The following NCOA2 variants were observed in gnomAD, a reference collection of about 807,000 sequenced individuals.
NCOA2 encodes the protein nuclear receptor coactivator 2.
In NCOA2, 21 loss-of-function variants were observed where a neutral mutation model predicts 145.1. The observed-to-expected ratio is 0.14, with a 90% CI of 0.10 to 0.21. The LOEUF (loss-of-function observed/expected upper bound fraction) is 0.21, where lower values mean the gene tolerates loss of function less well. Ranked by LOEUF, NCOA2 falls within the 10% of genes least tolerant of loss-of-function variation. The pLI, the probability that NCOA2 is intolerant of heterozygous loss-of-function variation, is 1.00. For missense variants in NCOA2, 1,472 were observed against 1,837.6 expected (o/e 0.80, Z 3.64); for synonymous variants, 619 against 637.5 (o/e 0.97, Z 0.44).
At chr8:70,360,264 T>C (rs975097456) in intron 1 of NCOA2, among the ~76,000 whole-genome samples, 4 of 152,180 alleles carry the variant, frequency 2.6e-5, no homozygotes, top group African/African-American at 9.7e-5. Flanking sequence ...AGCCATATGT[T>C]TAGTTTTCAG....
intron 4 of NCOA2, among the ~76,000 whole-genome samples, chr8:70,182,562 G>A (rs976876208): frequency 1.3e-5 from 2 of 152,154 alleles, no homozygotes; most frequent in African/African-American, 4.8e-5. Flanking sequence ...TTTGAGTATA[G>A]ACAGAATAGA....
At chr8:70,362,310 T>A (rs1157930610) in intron 1 of NCOA2, among the ~76,000 whole-genome samples, 2 of 152,098 alleles carry the variant, frequency 1.3e-5, no homozygotes, top group Non-Finnish European at 2.9e-5. Context: ...TTAAAACCTT[T>A]TTTCATATAG....
At chr8:70,450,595 G>A in the NCOA2 span, among the ~76,000 whole-genome samples, 2 of 9,866 alleles carry the variant, frequency 2.0e-4, no homozygotes, top group Non-Finnish European at 3.9e-4. Context: ...TTTTTTTTTT[G>A]TGAGATGGAG....
At chr8:70,403,590 C>T (rs1359827230) in intron 1 of NCOA2, 110 bp downstream of exon 1, 2 of 319,414 alleles carry the variant, frequency 6.3e-6, no homozygotes, top group Middle Eastern at 8.4e-4. Context: ...ACGGCTCTGT[C>T]GGAGCTCGGC....
chr8:70,156,363 A>C lies in NCOA2; in HGVS notation c.2002T>G (p.Ser668Ala). The C allele has an allele frequency of 6.2e-7, 1 of 1,613,920 alleles. No homozygotes were observed. The highest frequency in any genetic ancestry group is 8.5e-7 in the Non-Finnish European group (1 of 1,179,882). The change falls in exon 11 of 23, where the codon TCC becomes GCC. Residue 668 changes from serine to alanine, a missense_variant. Transcript: ENST00000452400. Reference sequence around the variant, plus strand: ...CCAGAACCAGGCAAGCTACCTGTGGAGTCTTTGTTTGTATCCGACAAAGAG... The same window carrying C: ...CCAGAACCAGGCAAGCTACCTGTGGCGTCTTTGTTTGTATCCGACAAAGAG... ...ASSLSDTNKDSTGSLPGSGST... is the reference protein window; with the variant it reads ...ASSLSDTNKDATGSLPGSGST...
At chr8:70,256,549 T>C (rs1433643269) in intron 2 of NCOA2, among the ~76,000 whole-genome samples, 1 of 152,210 alleles carries the variant, frequency 6.6e-6, no homozygotes, top group Non-Finnish European at 1.5e-5. Flanking sequence ...CTTTATACCA[T>C]TTGACAGACT....
the NCOA2 span, among the ~76,000 whole-genome samples, chr8:70,445,575 C>T: frequency 6.6e-6 from 1 of 152,130 alleles, no homozygotes; most frequent in Non-Finnish European, 1.5e-5. Context: ...CCTTTAAAAG[C>T]CTAAACGTGT....
intron 1 of NCOA2, among the ~76,000 whole-genome samples, chr8:70,362,095 C>T (rs1482860511): frequency 6.6e-6 from 1 of 152,080 alleles, no homozygotes; most frequent in East Asian, 1.9e-4. Flanking sequence ...ATTGGTGTGA[C>T]AGGATTGATT....
chr8:70,300,968 G>A (rs1285455523), intron 1 of NCOA2, among the ~76,000 whole-genome samples: 1 of 152,162 alleles, frequency 6.6e-6, no homozygotes, highest in African/African-American at 2.4e-5. Context: ...AAACCTAACT[G>A]GGGAGTGAAG....
the NCOA2 span, among the ~76,000 whole-genome samples, chr8:70,454,447 C>A: frequency 3.3e-5 from 5 of 152,128 alleles, no homozygotes; most frequent in South Asian, 2.1e-4. Flanking sequence ...GGCTATTTGA[C>A]CTTTTTCGGA....
At chr8:70,325,043 A>G (rs1464741527) in intron 1 of NCOA2, among the ~76,000 whole-genome samples, 1 of 152,226 alleles carries the variant, frequency 6.6e-6, no homozygotes, top group African/African-American at 2.4e-5. Flanking sequence ...ATCTTTAAAC[A>G]TAATAATTTA....
intron 4 of NCOA2, among the ~76,000 whole-genome samples, chr8:70,196,082 T>G (rs1045311660): frequency 2.0e-4 from 30 of 152,250 alleles, no homozygotes; most frequent in African/African-American, 6.3e-4. Context: ...GGAAGAAGAA[T>G]AATAACCTTT....
chr8:70,374,905 C>G (rs1811537919), intron 1 of NCOA2, among the ~76,000 whole-genome samples: 1 of 151,478 alleles, frequency 6.6e-6, no homozygotes, highest in Non-Finnish European at 1.5e-5. Flanking sequence ...TTTTACTTAT[C>G]TATATTTTCC....
Position 70,281,507 on chromosome 8 carries a change from G to T in NCOA2, c.-20+15237C>A, listed in dbSNP as rs142424308. 2.6e-5 allele frequency among the ~76,000 whole-genome samples: 4 copies of T among 152,160 alleles called. No homozygotes were observed. In the East Asian group the frequency reaches 7.7e-4, roughly 29 times the overall value. On this transcript the variant is annotated intron_variant, in intron 2 of 22. Coordinates refer to ENST00000452400, the MANE Select transcript of NCOA2 (RefSeq NM_006540.4). The stretch of plus-strand genomic sequence containing the variant: ...AAAGATTATGCTGTGGCCTCTTGTA[G>T]ATCAAGGGAAAAGGTGAATTAAGTA...
At chr8:70,359,144 G>T (rs1326737701) in intron 1 of NCOA2, among the ~76,000 whole-genome samples, 2 of 152,192 alleles carry the variant, frequency 1.3e-5, no homozygotes, top group Admixed American at 1.3e-4. Flanking sequence ...ATATAAAATG[G>T]TGCAGCTGCT....
intron 2 of NCOA2, among the ~76,000 whole-genome samples, chr8:70,245,759 C>CT (rs1343073749): frequency 3.9e-5 from 6 of 152,034 alleles, no homozygotes; most frequent in Non-Finnish European, 7.4e-5. Flanking sequence ...CATGGTCTTC[C>CT]TTTCACTAGG....
intron 10 of NCOA2, among the ~76,000 whole-genome samples, chr8:70,158,750 TCAAAACAAAACAAAAAA>T (rs1444587587): frequency 8.5e-5 from 13 of 152,150 alleles, no homozygotes; most frequent in East Asian, 1.9e-4. Context: ...AGACTCTGCC[TCAAAACAAAACAAAAAA>T]CAAAACAAAA....
At chr8:70,175,918 A>G (rs1261222494) in intron 4 of NCOA2, among the ~76,000 whole-genome samples, 1 of 150,960 alleles carries the variant, frequency 6.6e-6, no homozygotes, top group Non-Finnish European at 1.5e-5. Flanking sequence ...GAAAATCTGT[A>G]AAGCCTAATT....
chr8:70,301,669 A>AAAG (rs1827508783), intron 1 of NCOA2, among the ~76,000 whole-genome samples: 1 of 142,512 alleles, frequency 7.0e-6, no homozygotes, highest in African/African-American at 2.5e-5. Flanking sequence ...AAAAAAAAAA[A>AAAG]AAAAAAAAAA....
Sources: gnomAD v4.1 joint callset for allele counts (sites outside exome capture counted in the v4.1 genomes callset) on GRCh38, gnomAD v4.1.1 for gene constraint, MANE v1.5 for transcripts, NCBI Gene and HGNC (gene_info 2026-07-23, HGNC 2026-07-21) for gene names.